Variants in GPC5 observed in about 807,000 individuals in gnomAD.
GPC5 encodes glypican-5.
Under a neutral mutation model 53.9 loss-of-function variants are expected in GPC5, and 47 were observed. That is an observed-to-expected ratio of 0.87 (90% CI 0.69 to 1.11). The LOEUF (loss-of-function observed/expected upper bound fraction) is 1.11, where lower values mean the gene tolerates loss of function less well. GPC5 is among the 50% of genes most tolerant of loss of function. The pLI is 0.00. For missense variants in GPC5, 748 were observed against 713.1 expected (o/e 1.05, Z -0.56); for synonymous variants, 286 against 263.3 (o/e 1.09, Z -0.84).
chr13:92,735,375 C>T (rs1318933481), intron 7 of GPC5, among the ~76,000 whole-genome samples: 1 of 151,888 alleles, frequency 6.6e-6, no homozygotes, highest in Non-Finnish European at 1.5e-5. Context: ...CATTTTAACC[C>T]AATAACCTAA....
chr13:91,830,251 G>A (rs2038634883), intron 5 of GPC5, among the ~76,000 whole-genome samples: 1 of 152,078 alleles, frequency 6.6e-6, no homozygotes, highest in South Asian at 2.1e-4. Context: ...TTTGAAAGAA[G>A]AGAAATATGG....
rs550427116 is a variant in GPC5 at position 92,357,695 on chromosome 13, C to T, written c.1561+212706C>T. 3.0e-4 allele frequency among the ~76,000 whole-genome samples: 45 copies of T among 151,476 alleles called. 1 individual carries two copies. The highest frequency in any genetic ancestry group is 7.9e-4 in the Admixed American group (12 of 15,266). Reference sequence around the variant, plus strand: ...GGAAACTTAATATCAGGGCGAAAGGCGAAGAGGAAGGAGGCACATGGCCAG... The same window carrying T: ...GGAAACTTAATATCAGGGCGAAAGGTGAAGAGGAAGGAGGCACATGGCCAG... On this transcript the variant is annotated intron_variant, in intron 7 of 7. Coordinates refer to ENST00000377067, the MANE Select transcript of GPC5 (RefSeq NM_004466.6).
rs906081202 is a variant in GPC5, at chr13:91,670,638, G to A, written c.326-22549G>A. On this transcript the variant is annotated intron_variant, in intron 2 of 7. Coordinates refer to ENST00000377067, the MANE Select transcript of GPC5 (RefSeq NM_004466.6). The stretch of plus-strand genomic sequence containing the variant: ...CCAGCTGTCTACCACCAATCATTGT[G>A]TTTCCTCCTCTGATCTGCTTCAGTC... 7.0e-4 allele frequency among the ~76,000 whole-genome samples: 107 copies of A among 152,158 alleles called. 11 individuals are homozygous for A. The highest frequency in any genetic ancestry group is 2.9e-5 in the Non-Finnish European group (2 of 68,040).
At chr13:92,800,933 T>C (rs1302808701) in intron 7 of GPC5, among the ~76,000 whole-genome samples, 2 of 151,848 alleles carry the variant, frequency 1.3e-5, no homozygotes, top group South Asian at 2.1e-4. Context: ...TATATTGTTG[T>C]GTCAACAGAT....
chr13:91,559,707 A>G (rs1319862359), intron 2 of GPC5, among the ~76,000 whole-genome samples: 1 of 152,020 alleles, frequency 6.6e-6, no homozygotes, highest in Non-Finnish European at 1.5e-5. Flanking sequence ...GTCTGAGGTG[A>G]CTACCCCATC....
At position 91,448,764 on chromosome 13, in the gene GPC5, C is replaced by G. The variant is rs777896189; in HGVS notation, c.167C>G (p.Pro56Arg). Residue 56 changes from proline (P) to arginine (R), a missense_variant, in exon 2 of 8, where the codon CCT becomes CGT. By Grantham distance (103) the Pro-to-Arg change is moderately radical. Coordinates refer to ENST00000377067, the MANE Select transcript of GPC5 (RefSeq NM_004466.6). ...RGLPDSPRAG[P>R]DLQVCISKKP... is the part of the protein sequence containing the mutation. ...TGAAAAATGTTGTGTGTTCCAGGAC[C>G]TGATCTTCAGGTTTGCATATCCAAA... 1.9e-6 allele frequency: 3 copies of G among 1,611,776 alleles called. No individual in the cohort carries two copies. In the East Asian group the frequency reaches 6.7e-5, roughly 36 times the overall value.
intron 7 of GPC5, among the ~76,000 whole-genome samples, chr13:92,440,730 C>T (rs1007630002): frequency 6.6e-6 from 1 of 152,078 alleles, no homozygotes; most frequent in Non-Finnish European, 1.5e-5. Flanking sequence ...ATAACTATAC[C>T]CTTTTCTCCA....
intron 7 of GPC5, among the ~76,000 whole-genome samples, chr13:92,553,675 A>C (rs1014828935): frequency 6.6e-6 from 1 of 151,954 alleles, no homozygotes; most frequent in Non-Finnish European, 1.5e-5. Flanking sequence ...CAGATGACTC[A>C]ATCTTTCTGA....
Position 92,711,722 on chromosome 13 carries a change from A to G in GPC5, c.1562-154560A>G, listed in dbSNP as rs571282096. On this transcript the variant is annotated intron_variant, in intron 7 of 7. Transcript: ENST00000377067. The stretch of plus-strand genomic sequence containing the variant: ...ACATCTCAACAAACTTATAATTAAA[A>G]TCATATGGAACATGTTCTCAAACCA... Among the ~76,000 whole-genome samples, 280 of 152,238 alleles carry G rather than the reference A, an allele frequency of 1.8e-3. 4 individuals are homozygous for G. Among genetic ancestry groups the G allele is most frequent in the African/African-American group, 6.5e-3 (270 of 41,574 alleles).
At chr13:92,396,289 T>A (rs1006895488) in intron 7 of GPC5, among the ~76,000 whole-genome samples, 2 of 152,190 alleles carry the variant, frequency 1.3e-5, no homozygotes, top group African/African-American at 4.8e-5. Flanking sequence ...TTGTTATTTC[T>A]GTTACAATGT....
intron 7 of GPC5, among the ~76,000 whole-genome samples, chr13:92,556,734 A>G (rs1882507689): frequency 3.3e-5 from 5 of 151,800 alleles, no homozygotes; most frequent in Admixed American, 3.3e-4. Flanking sequence ...GCCCATCCAG[A>G]GAGCAATTAA....
At chr13:92,429,649 C>T (rs949740831) in intron 7 of GPC5, among the ~76,000 whole-genome samples, 2 of 151,894 alleles carry the variant, frequency 1.3e-5, no homozygotes, top group Admixed American at 1.3e-4. Context: ...CTATCAACCT[C>T]TCTGGAAATT....
chr13:91,954,826 T>C (rs1244437341), intron 6 of GPC5, among the ~76,000 whole-genome samples: 1 of 152,094 alleles, frequency 6.6e-6, no homozygotes, highest in Admixed American at 6.5e-5. Context: ...AATGATGCAA[T>C]TGTGTATCTG....
At chr13:92,218,963 T>A (rs147898941) in intron 7 of GPC5, among the ~76,000 whole-genome samples, 25 of 152,084 alleles carry the variant, frequency 1.6e-4, no homozygotes, top group Non-Finnish European at 3.2e-4. Context: ...TAAAATTATA[T>A]CATCCTCAGG....
chr13:92,436,243 T>G (rs1187218288), intron 7 of GPC5, among the ~76,000 whole-genome samples: 3 of 152,190 alleles, frequency 2.0e-5, no homozygotes, highest in Non-Finnish European at 4.4e-5. Flanking sequence ...AACTCCTGGC[T>G]ATTGTGGAAA....
intron 6 of GPC5, among the ~76,000 whole-genome samples, chr13:91,960,570 T>C (rs1373651092): frequency 1.3e-5 from 2 of 151,904 alleles, no homozygotes; most frequent in Non-Finnish European, 2.9e-5. Context: ...ACTCTAAAAT[T>C]TGTGGAACCA....
At chr13:92,154,203 G>C (rs2041927108) in intron 7 of GPC5, among the ~76,000 whole-genome samples, 1 of 152,070 alleles carries the variant, frequency 6.6e-6, no homozygotes, top group African/African-American at 2.4e-5. Context: ...TTCAGAGCTA[G>C]AATTTACTCA....
At chr13:92,199,463 A>G (rs1007761394) in intron 7 of GPC5, among the ~76,000 whole-genome samples, 8 of 152,190 alleles carry the variant, frequency 5.3e-5, no homozygotes, top group African/African-American at 1.9e-4. Flanking sequence ...TCAATATTTG[A>G]GATAAAATTG....
chr13:92,091,964 C>A (rs2041384746), intron 6 of GPC5, among the ~76,000 whole-genome samples: 1 of 152,052 alleles, frequency 6.6e-6, no homozygotes, highest in African/African-American at 2.4e-5. Flanking sequence ...ATAGTACTCA[C>A]AATTAAGTGG....
Sources: gnomAD v4.1 joint callset for allele counts (sites outside exome capture counted in the v4.1 genomes callset) on GRCh38, gnomAD v4.1.1 for gene constraint, MANE v1.5 for transcripts, NCBI Gene and HGNC (gene_info 2026-07-23, HGNC 2026-07-21) for gene names.